Variants in TMEM234 observed in about 807,000 individuals in gnomAD.
The protein encoded by TMEM234 is transmembrane protein 234, also known as chromosome 1 open reading frame 91.
A neutral mutation model predicts 17.8 loss-of-function variants in TMEM234; 21 were observed. The observed-to-expected ratio is 1.18, with a 90% CI of 0.84 to 1.70. TMEM234 has a LOEUF of 1.70. Ranked by LOEUF, TMEM234 falls within the 40% of genes most tolerant of loss-of-function variation. The probability of loss-of-function intolerance (pLI) is 0.00; values close to 1 mark genes in which losing one functional copy is unlikely to be tolerated. For synonymous variants in TMEM234, 83 were observed against 73.5 expected, an observed-to-expected ratio of 1.13 and a Z score of -0.66; for missense variants, 137 against 166.9, an observed-to-expected ratio of 0.82 and a Z score of 0.99.
intron 3 of TMEM234, among the ~76,000 whole-genome samples, chr1:32,219,394 T>G (rs1231225818): frequency 6.6e-6 from 1 of 152,122 alleles, no homozygotes; most frequent in African/African-American, 2.4e-5. Context: ...GTTTTTCGTT[T>G]TTGTTGTTGT....
At chr1:32,216,070 CT>C, downstream of TMEM234, 1 of 718,350 alleles carries the variant, frequency 1.4e-6, no homozygotes, top group Non-Finnish European at 2.3e-6. Context: ...CCAGCCTTCC[CT>C]TCCTCTGAGC....
chr1:32,221,732 G>A (rs1380709443), intron 2 of TMEM234, 135 bp downstream of exon 2: 20 of 1,215,070 alleles, frequency 1.6e-5, no homozygotes, highest in Non-Finnish European at 2.1e-5. Flanking sequence ...TGATGAAACT[G>A]AGGCTCAAGG....
At chr1:32,221,433 G>T (rs904492879) in intron 2 of TMEM234, among the ~76,000 whole-genome samples, 3 of 152,104 alleles carry the variant, frequency 2.0e-5, no homozygotes, top group Non-Finnish European at 4.4e-5. Flanking sequence ...GCAAGGCCTT[G>T]AAGCCAATGT....
chr1:32,214,750 T>TA, downstream of TMEM234: 1 of 1,610,038 alleles, frequency 6.2e-7, no homozygotes, highest in Non-Finnish European at 8.5e-7. Context: ...GTAGGAAAGG[T>TA]AAGAATGGCC....
chr1:32,215,164 G>A (rs1004657952), downstream of TMEM234: 14 of 622,370 alleles, frequency 2.2e-5, no homozygotes, highest in Admixed American at 1.7e-4. Flanking sequence ...AGCTGCCCCC[G>A]TCTGTATATC....
chr1:32,214,695 A>G (rs541681390), downstream of TMEM234: 2 of 1,519,112 alleles, frequency 1.3e-6, no homozygotes, highest in East Asian at 4.5e-5. Flanking sequence ...CTCCTCTGCC[A>G]TGTTCCTGCA....
At chr1:32,219,337 G>A (rs925795117) in intron 3 of TMEM234, among the ~76,000 whole-genome samples, 5 of 152,168 alleles carry the variant, frequency 3.3e-5, no homozygotes, top group Non-Finnish European at 5.9e-5. Flanking sequence ...ACCCATCTAA[G>A]AAATTGATAC....
Position 32,222,352 on chromosome 1 carries a change from A to T in TMEM234, c.-30T>A. ...ACGCCGCTGTCTTCTACTTCCGGGA[A>T]CGAAGGGGCGGAGACCCATAATCCG... is the stretch of plus-strand genomic sequence containing the variant. On this transcript the variant is annotated 5_prime_UTR_variant, in exon 1 of 5. Transcript: ENST00000309777. The T allele has an allele frequency of 1.9e-6, 3 of 1,564,344 alleles. No homozygotes were observed. The East Asian group carries it at 6.8e-5, about 35-fold the overall frequency.
At chr1:32,217,927 G>A (rs991521040) in intron 3 of TMEM234, among the ~76,000 whole-genome samples, 7 of 152,238 alleles carry the variant, frequency 4.6e-5, no homozygotes, top group African/African-American at 1.7e-4. Flanking sequence ...CAGAACATCA[G>A]ATGAAGCACA....
At chr1:32,217,385 G>A in intron 3 of TMEM234, 34 bp from the exon 4 acceptor site, 2 of 1,593,226 alleles carry the variant, frequency 1.3e-6, no homozygotes, top group South Asian at 1.1e-5. Context: ...TGCCTGAGAT[G>A]CAACAAATGC....
rs1484521109 is a variant in TMEM234, at chr1:32,216,916, T to A, written c.360A>T (p.Ile120=). Residue 120 remains isoleucine (I), a synonymous_variant, in exon 5 of 5, where the codon ATA becomes ATT. Transcript: ENST00000309777. ...RAVAGMVLTV[I]GISLCITSSV... The stretch of plus-strand genomic sequence containing the variant: ...AGCTTGTGATGCAGAGTGAAATTCC[T>A]ATCACGGTGAGCACCATGCCAGCAA... The A allele has an allele frequency of 6.2e-7, 1 of 1,614,070 alleles. No individual in the cohort carries two copies. Among genetic ancestry groups the A allele is most frequent in the African/African-American group, 1.3e-5 (1 of 74,918 alleles).
At chr1:32,217,962 T>C (rs947649584) in intron 3 of TMEM234, among the ~76,000 whole-genome samples, 2 of 152,190 alleles carry the variant, frequency 1.3e-5, no homozygotes, top group African/African-American at 4.8e-5. Flanking sequence ...CAGCCCAAGC[T>C]CAGGCCTTAT....
At chr1:32,215,570 T>C, downstream of TMEM234, 1 of 1,604,448 alleles carries the variant, frequency 6.2e-7, no homozygotes, top group South Asian at 1.1e-5. Flanking sequence ...GGAAACAGTA[T>C]GTTGGGGTGG....
chr1:32,217,632 C>T, intron 3 of TMEM234: 1 of 641,104 alleles, frequency 1.6e-6, no homozygotes, highest in East Asian at 3.5e-5. Context: ...CGTGAGATCT[C>T]AAGGACATCT....
At chr1:32,219,107 C>T (rs1569816239) in intron 3 of TMEM234, among the ~76,000 whole-genome samples, 1 of 140,006 alleles carries the variant, frequency 7.1e-6, no homozygotes, top group Non-Finnish European at 1.5e-5. Context: ...AGCGAAATGC[C>T]GTCTCAAAAA....
intron 1 of TMEM234, 93 bp from the exon 2 acceptor site, chr1:32,222,111 C>G (rs1638977234): frequency 1.3e-6 from 2 of 1,504,798 alleles, no homozygotes; most frequent in South Asian, 2.6e-5. Context: ...TAGCCGCCCC[C>G]ACTTCCCTCC....
Position 32,219,932 on chromosome 1 carries a change from G to A in TMEM234, c.235+1199C>T, listed in dbSNP as rs140449106. On this transcript the variant is annotated intron_variant, in intron 3 of 4. Transcript: ENST00000309777. Reference sequence around the variant, plus strand: ...GTAAGATGAACTGTGATAATGCATGGATAGTCCCTGGCTGAAGTGGATGCT... The same window carrying A: ...GTAAGATGAACTGTGATAATGCATGAATAGTCCCTGGCTGAAGTGGATGCT... 4.6e-5 allele frequency among the ~76,000 whole-genome samples: 7 copies of A among 152,274 alleles called. No homozygotes were observed. The East Asian group carries it at 1.2e-3, about 25-fold the overall frequency.
In TMEM234 at chr1:32,222,165, C is replaced by A. The variant is rs1444532029; in HGVS notation, c.16+142G>T. The A allele has an allele frequency of 2.0e-6, 3 of 1,504,794 alleles. No homozygotes were observed. In the African/African-American group the frequency reaches 4.2e-5, roughly 21 times the overall value. The allele number at this position is 1,504,794 out of a possible 1,614,324, so 93.2% of individuals were successfully genotyped here. On this transcript the variant is annotated intron_variant, in intron 1 of 4. Coordinates refer to ENST00000309777, the MANE Select transcript of TMEM234 (RefSeq NM_019118.5). ...GCTGCGACTGGCGGCTAAGGCAGGC[C>A]CAGGGAAGCTAGGGAGATGAATCCA...
intron 3 of TMEM234, among the ~76,000 whole-genome samples, chr1:32,220,306 A>G (rs1051471234): frequency 3.4e-4 from 52 of 152,116 alleles, no homozygotes; most frequent in African/African-American, 1.2e-3. Context: ...CCTCCCAAGT[A>G]GCTGGGACTA....
Sources: gnomAD v4.1 joint callset for allele counts (sites outside exome capture counted in the v4.1 genomes callset) on GRCh38, gnomAD v4.1.1 for gene constraint, MANE v1.5 for transcripts, NCBI Gene and HGNC (gene_info 2026-07-23, HGNC 2026-07-21) for gene names.